Variants in SHLD1 observed in about 807,000 individuals in gnomAD.
The protein encoded by SHLD1 is RINN1-REV7-interacting novel NHEJ regulator 3.
SHLD1 carries 3 observed loss-of-function variants against 5.5 expected under a neutral mutation model. That is an observed-to-expected ratio of 0.54 (90% CI 0.25 to 1.40). The LOEUF is 1.40. SHLD1 is among the 40% of genes most tolerant of loss of function. The pLI is 0.15. For missense variants in SHLD1, 210 were observed against 244.4 expected, an observed-to-expected ratio of 0.86 and a Z score of 0.94; for synonymous variants, 92 against 94.3, an observed-to-expected ratio of 0.98 and a Z score of 0.14.
At chr20:5,826,961 A>G (rs1490236733) in intron 2 of SHLD1, among the ~76,000 whole-genome samples, 3 of 146,194 alleles carry the variant, frequency 2.1e-5, no homozygotes, top group Admixed American at 6.9e-5. Flanking sequence ...TTTCTCCCAG[A>G]CCCTCCCTCT....
chr20:5,769,077 T>A (rs986770101), intron 1 of SHLD1, among the ~76,000 whole-genome samples: 11 of 152,092 alleles, frequency 7.2e-5, no homozygotes, highest in African/African-American at 2.7e-4. Flanking sequence ...GGCTAATTTT[T>A]AAAATTTTTT....
In SHLD1 at chr20:5,846,900, G is replaced by A. The variant is rs2087939043; in HGVS notation, c.179-16124G>A. Among the ~76,000 whole-genome samples, 3 of 152,220 alleles carry A rather than the reference G, an allele frequency of 2.0e-5. No homozygotes were observed. The South Asian group carries it at 6.2e-4, about 32-fold the overall frequency. On this transcript the variant is annotated intron_variant, in intron 2 of 2. Coordinates refer to ENST00000303142, the MANE Select transcript of SHLD1 (RefSeq NM_152504.4). ...ACCACGCTGTTTTAAAACAAGCCTC[G>A]GGGTAAGCCTCAGTTTCATGGAAAA...
chr20:5,815,088 G>C (rs926159354), intron 2 of SHLD1, among the ~76,000 whole-genome samples: 1 of 152,196 alleles, frequency 6.6e-6, no homozygotes, highest in Non-Finnish European at 1.5e-5. Flanking sequence ...ATGCCTGCGA[G>C]ACAGCGGCCC....
At chr20:5,777,812 A>G (rs1042831243) in intron 2 of SHLD1, among the ~76,000 whole-genome samples, 1 of 152,150 alleles carries the variant, frequency 6.6e-6, no homozygotes, top group African/African-American at 2.4e-5. Flanking sequence ...CACTGAGACA[A>G]GGAACTGCTG....
intron 2 of SHLD1, among the ~76,000 whole-genome samples, chr20:5,805,881 A>G (rs2087367795): frequency 6.6e-6 from 1 of 152,182 alleles, no homozygotes; most frequent in Non-Finnish European, 1.5e-5. Flanking sequence ...GATCATAGAC[A>G]TGAGCCACTG....
At chr20:5,820,510 C>G (rs2087594646) in intron 2 of SHLD1, among the ~76,000 whole-genome samples, 1 of 152,160 alleles carries the variant, frequency 6.6e-6, no homozygotes, top group Non-Finnish European at 1.5e-5. Context: ...GTTCACCACC[C>G]AGTGATAGAA....
At chr20:5,790,222 C>G (rs905314551) in intron 2 of SHLD1, among the ~76,000 whole-genome samples, 2 of 152,154 alleles carry the variant, frequency 1.3e-5, no homozygotes, top group African/African-American at 2.4e-5. Flanking sequence ...TTCTTCCTCC[C>G]AGGGAGCCTG....
At chr20:5,837,961 TACAAA>T (rs1377047183) in intron 2 of SHLD1, among the ~76,000 whole-genome samples, 1 of 152,150 alleles carries the variant, frequency 6.6e-6, no homozygotes, top group African/African-American at 2.4e-5. Context: ...CAGCTGTAGT[TACAAA>T]ACAAAGCAGG....
chr20:5,820,755 C>T (rs1047609129), intron 2 of SHLD1, among the ~76,000 whole-genome samples: 2 of 152,232 alleles, frequency 1.3e-5, no homozygotes, highest in African/African-American at 4.8e-5. Flanking sequence ...ATTTATGTCT[C>T]CTTTGATCTT....
At chr20:5,859,812 C>T (rs941291472) in intron 2 of SHLD1, among the ~76,000 whole-genome samples, 9 of 152,168 alleles carry the variant, frequency 5.9e-5, no homozygotes, top group South Asian at 2.1e-4. Flanking sequence ...TCTCTGAAGA[C>T]GACTGGCAGA....
At chr20:5,778,282 AGTTT>A (rs1985530935) in intron 2 of SHLD1, among the ~76,000 whole-genome samples, 1 of 123,650 alleles carries the variant, frequency 8.1e-6, no homozygotes, top group African/African-American at 3.3e-5. Context: ...ATGCCTGGCT[AGTTT>A]TTTTTTTTTT....
chr20:5,838,028 G>A (rs999844780), intron 2 of SHLD1, among the ~76,000 whole-genome samples: 1 of 152,192 alleles, frequency 6.6e-6, no homozygotes, highest in African/African-American at 2.4e-5. Flanking sequence ...ACATTGTACA[G>A]TAAATGAAAC....
intron 2 of SHLD1, among the ~76,000 whole-genome samples, chr20:5,792,894 C>T (rs1012115414): frequency 2.6e-5 from 4 of 151,986 alleles, no homozygotes; most frequent in Admixed American, 6.6e-5. Flanking sequence ...AGGCTGGTCT[C>T]GAACTCCCGA....
At position 5,849,913 on chromosome 20, in the gene SHLD1, T is replaced by C. The variant is rs939579197; in HGVS notation, c.179-13111T>C. Among the ~76,000 whole-genome samples the C allele has an allele frequency of 1.8e-4, 24 of 135,218 alleles. No homozygotes were observed. In the East Asian group the frequency reaches 2.2e-3, roughly 12 times the overall value. The allele number at this position is 135,218 out of a possible 152,430, so 88.7% of individuals were successfully genotyped here. A position where few individuals can be genotyped will look rare whatever the true frequency, so the allele number is the denominator to read the frequency against. ...AGCGGAGCTTGCAGTGAGCCGAGAT[T>C]CCGCCACTGCAGTCCGCAGTCCGGC... On this transcript the variant is annotated intron_variant, in intron 2 of 2. Transcript: ENST00000303142.
chr20:5,860,876 TAAAAAA>T (rs10555301), intron 2 of SHLD1, among the ~76,000 whole-genome samples: 5 of 100,786 alleles, frequency 5.0e-5, no homozygotes, highest in African/African-American at 1.8e-4. Context: ...TACTATTCTT[TAAAAAA>T]AAAAAAAAAA....
chr20:5,811,885 T>C (rs1207312145), intron 2 of SHLD1, among the ~76,000 whole-genome samples: 1 of 151,684 alleles, frequency 6.6e-6, no homozygotes, highest in Non-Finnish European at 1.5e-5. Context: ...TTTGAACACC[T>C]GCACTAAACC....
At chr20:5,816,070 G>A (rs2087526027) in intron 2 of SHLD1, among the ~76,000 whole-genome samples, 1 of 119,718 alleles carries the variant, frequency 8.4e-6, no homozygotes, top group Non-Finnish European at 1.6e-5. Flanking sequence ...GACAGAGTGA[G>A]ACTCTGCCTC....
chr20:5,850,165 A>T lies in SHLD1; in HGVS notation c.179-12859A>T, dbSNP rs189224984. Reference sequence around the variant, plus strand: ...AATAATAATAATTAACTGAGACAACAGGCCTAAACCAGGACTGTCCTGGGC... The same window carrying T: ...AATAATAATAATTAACTGAGACAACTGGCCTAAACCAGGACTGTCCTGGGC... On this transcript the variant is annotated intron_variant, in intron 2 of 2. Coordinates refer to ENST00000303142, the MANE Select transcript of SHLD1 (RefSeq NM_152504.4). Among the ~76,000 whole-genome samples, 7 of 145,304 alleles carry T rather than the reference A, an allele frequency of 4.8e-5. No individual in the cohort carries two copies. In the East Asian group the frequency reaches 1.2e-3, roughly 25 times the overall value.
At chr20:5,828,370 A>G (rs6133268) in intron 2 of SHLD1, among the ~76,000 whole-genome samples, 57,328 of 152,062 alleles carry the variant, frequency 0.38, 13,008 homozygotes, top group East Asian at 0.52. Flanking sequence ...TATGTTGGTC[A>G]TAATACATTA....
Sources: gnomAD v4.1 joint callset for allele counts (sites outside exome capture counted in the v4.1 genomes callset) on GRCh38, gnomAD v4.1.1 for gene constraint, MANE v1.5 for transcripts, NCBI Gene and HGNC (gene_info 2026-07-23, HGNC 2026-07-21) for gene names.